RSU1: variants seen among roughly 807,000 people sequenced by gnomAD.
RSU1 encodes rsu-1.
RSU1 carries 26 observed loss-of-function variants against 31.1 expected under a neutral mutation model. That is an observed-to-expected ratio of 0.84 (90% CI 0.61 to 1.16). The LOEUF (loss-of-function observed/expected upper bound fraction) is 1.16, where lower values mean the gene tolerates loss of function less well. RSU1 is among the 50% of genes most tolerant of loss of function. RSU1 has a pLI of 0.00. For missense variants in RSU1, 320 were observed against 339.1 expected (o/e 0.94, Z 0.44); for synonymous variants, 164 against 136.3 (o/e 1.20, Z -1.41).
At chr10:16,603,013 G>C (rs1233098694) in intron 8 of RSU1, among the ~76,000 whole-genome samples, 1 of 152,184 alleles carries the variant, frequency 6.6e-6, no homozygotes, top group African/African-American at 2.4e-5. Context: ...ATTCCTGTGA[G>C]AAGTCTCATT....
chr10:16,646,222 T>C (rs1000857377), intron 8 of RSU1, among the ~76,000 whole-genome samples: 3 of 151,674 alleles, frequency 2.0e-5, no homozygotes, highest in Admixed American at 6.6e-5. Flanking sequence ...TTCTGAGTGA[T>C]AGGAGAAAGC....
At chr10:16,611,201 A>T (rs541357394) in intron 8 of RSU1, among the ~76,000 whole-genome samples, 2 of 151,918 alleles carry the variant, frequency 1.3e-5, no homozygotes, top group South Asian at 4.2e-4. Flanking sequence ...AGACTTCCTC[A>T]CTCAGCTGTG....
chr10:16,638,790 G>A (rs1031499743), intron 8 of RSU1, among the ~76,000 whole-genome samples: 3 of 152,198 alleles, frequency 2.0e-5, no homozygotes, highest in African/African-American at 7.2e-5. Context: ...CGCGCTAGAC[G>A]AGAAAATTCT....
At chr10:16,796,309 C>A (rs1838030738) in intron 2 of RSU1, among the ~76,000 whole-genome samples, 1 of 152,194 alleles carries the variant, frequency 6.6e-6, no homozygotes, top group Non-Finnish European at 1.5e-5. Flanking sequence ...CATCAATCAG[C>A]CCCTAAGTCA....
intron 7 of RSU1, among the ~76,000 whole-genome samples, chr10:16,706,052 C>T (rs1271407656): frequency 2.6e-5 from 4 of 152,216 alleles, no homozygotes; most frequent in African/African-American, 7.2e-5. Context: ...TTGATGTACA[C>T]GTGTGCTGCA....
chr10:16,613,347 C>A (rs1051226606), intron 8 of RSU1, among the ~76,000 whole-genome samples: 2 of 152,200 alleles, frequency 1.3e-5, no homozygotes, highest in Non-Finnish European at 2.9e-5. Context: ...CAGAGACCAC[C>A]TTCCTGCCAC....
At chr10:16,691,722 C>CTTTTTTTT (rs58786188) in intron 8 of RSU1, among the ~76,000 whole-genome samples, 1 of 106,044 alleles carries the variant, frequency 9.4e-6, no homozygotes, top group Admixed American at 1.1e-4. Context: ...GCTGCTGCTT[C>CTTTTTTTT]TTTTTTTTTT....
intron 8 of RSU1, among the ~76,000 whole-genome samples, chr10:16,627,643 G>C: frequency 6.6e-6 from 1 of 151,740 alleles, no homozygotes. Flanking sequence ...TGTAATCCCA[G>C]CTACTCAGGA....
intron 8 of RSU1, among the ~76,000 whole-genome samples, chr10:16,680,351 G>C (rs1231119821): frequency 6.6e-6 from 1 of 151,898 alleles, no homozygotes; most frequent in Non-Finnish European, 1.5e-5. Flanking sequence ...ACATTCCAAA[G>C]AGCTCAAGTT....
intron 7 of RSU1, chr10:16,721,533 T>C (rs765503953): frequency 6.6e-6 from 1 of 152,296 alleles, no homozygotes; most frequent in African/African-American, 2.4e-5. Flanking sequence ...CTTCCTGGCA[T>C]GTGGCTGGGA....
intron 2 of RSU1, among the ~76,000 whole-genome samples, chr10:16,785,475 T>C (rs1250400010): frequency 7.4e-6 from 1 of 134,926 alleles, no homozygotes; most frequent in Admixed American, 7.2e-5. Flanking sequence ...TATATACACA[T>C]ATATACATAT....
intron 2 of RSU1, among the ~76,000 whole-genome samples, chr10:16,807,619 T>A (rs754744526): frequency 1.3e-5 from 2 of 152,184 alleles, no homozygotes; most frequent in Non-Finnish European, 2.9e-5. Flanking sequence ...TTAAGTTGCT[T>A]CTTATGTTTT....
At chr10:16,774,236 T>C (rs530293490) in intron 3 of RSU1, among the ~76,000 whole-genome samples, 61 of 152,196 alleles carry the variant, frequency 4.0e-4, no homozygotes, top group Non-Finnish European at 7.3e-4. Context: ...CAATATTTTT[T>C]AAAAAGTCAT....
chr10:16,678,614 T>C (rs889818554), intron 8 of RSU1, among the ~76,000 whole-genome samples: 1 of 152,210 alleles, frequency 6.6e-6, no homozygotes, highest in Non-Finnish European at 1.5e-5. Flanking sequence ...CCTTTATACA[T>C]TCATGGGGAA....
chr10:16,781,827 A>C (rs145904449), intron 3 of RSU1, among the ~76,000 whole-genome samples: 96 of 152,360 alleles, frequency 6.3e-4, no homozygotes, highest in African/African-American at 2.2e-3. Flanking sequence ...TCTCAAAAAA[A>C]AGAAAAGAAT....
chr10:16,707,307 G>A lies in RSU1; in HGVS notation c.599-12152C>T, dbSNP rs186979177. 3.4e-4 allele frequency among the ~76,000 whole-genome samples: 51 copies of A among 152,152 alleles called. 1 individual carries two copies. Among genetic ancestry groups the A allele is most frequent in the Admixed American group, 3.3e-3 (50 of 15,264 alleles). On this transcript the variant is annotated intron_variant, in intron 7 of 8. Coordinates refer to ENST00000345264, the MANE Select transcript of RSU1 (RefSeq NM_012425.4). ...TAGTCCTATTTTTAATTTTTTGAAGGATCTCCATACTCTTTTCCATAATGG... is the reference window on the plus strand; with the variant it reads ...TAGTCCTATTTTTAATTTTTTGAAGAATCTCCATACTCTTTTCCATAATGG...
At chr10:16,670,352 T>G (rs778109838) in intron 8 of RSU1, among the ~76,000 whole-genome samples, 1 of 152,134 alleles carries the variant, frequency 6.6e-6, no homozygotes, top group Admixed American at 6.5e-5. Flanking sequence ...ATATGGCCAC[T>G]CAATCTGATA....
rs1242733424 is a variant in RSU1 at position 16,645,971 on chromosome 10, T to C, written c.731+49052A>G. Among the ~76,000 whole-genome samples, 5 of 95,386 alleles carry C rather than the reference T, an allele frequency of 5.2e-5. 2 individuals carry two copies. The highest frequency in any genetic ancestry group is 1.3e-4 in the African/African-American group (2 of 15,618). 62.6% of individuals were successfully genotyped at this position (95,386 alleles called of 152,430 possible). A position where few individuals can be genotyped will look rare whatever the true frequency, so the allele number is the denominator to read the frequency against. Reference sequence around the variant, plus strand: ...ATGTGTATATACATATATGTGTATATATATGTGTATATACATATATGTGTA... The same window carrying C: ...ATGTGTATATACATATATGTGTATACATATGTGTATATACATATATGTGTA... On this transcript the variant is annotated intron_variant, in intron 8 of 8. Transcript: ENST00000345264.
At chr10:16,768,142 C>T (rs142127866) in intron 3 of RSU1, among the ~76,000 whole-genome samples, 1,951 of 152,272 alleles carry the variant, frequency 0.013, 28 homozygotes, top group Non-Finnish European at 0.02. Flanking sequence ...CCCCAGCTGA[C>T]CTATGACACC....
Sources: gnomAD v4.1 joint callset for allele counts (sites outside exome capture counted in the v4.1 genomes callset) on GRCh38, gnomAD v4.1.1 for gene constraint, MANE v1.5 for transcripts, NCBI Gene and HGNC (gene_info 2026-07-23, HGNC 2026-07-21) for gene names.